NCAM2: variants seen among roughly 807,000 people sequenced by gnomAD.
NCAM2 encodes neural cell adhesion molecule 2, also known as N-CAM-2.
Under a neutral mutation model 98.1 loss-of-function variants are expected in NCAM2, and 30 were observed. That is an observed-to-expected ratio of 0.31 (90% CI 0.23 to 0.41). The LOEUF is 0.41. NCAM2 is among the 10% of genes least tolerant of loss of function. The pLI is 1.00. For synonymous variants in NCAM2, 368 were observed against 342.4 expected, an observed-to-expected ratio of 1.07 and a Z score of -0.83; for missense variants, 867 against 1,005.8, an observed-to-expected ratio of 0.86 and a Z score of 1.87.
chr21:21,001,416 G>C (rs2064017707), intron 1 of NCAM2, among the ~76,000 whole-genome samples: 1 of 152,106 alleles, frequency 6.6e-6, no homozygotes, highest in Admixed American at 6.5e-5. Context: ...GTCAATGAAA[G>C]AAAATGCTGT....
At chr21:21,256,783 C>G (rs1449862342) in intron 1 of NCAM2, among the ~76,000 whole-genome samples, 1 of 152,150 alleles carries the variant, frequency 6.6e-6, no homozygotes, top group Non-Finnish European at 1.5e-5. Context: ...CGAGTCATTT[C>G]TGTGTGTTGG....
chr21:21,267,678 C>A (rs1262671106), intron 1 of NCAM2, among the ~76,000 whole-genome samples: 1 of 152,088 alleles, frequency 6.6e-6, no homozygotes, highest in Non-Finnish European at 1.5e-5. Context: ...AAATTACATA[C>A]ATTTGTCTTT....
At chr21:21,259,360 A>C (rs2071803723) in intron 1 of NCAM2, among the ~76,000 whole-genome samples, 1 of 151,526 alleles carries the variant, frequency 6.6e-6, no homozygotes, top group Non-Finnish European at 1.5e-5. Context: ...AACCGTATGA[A>C]CTGAAAGTCG....
At chr21:21,160,820 C>T (rs114366869) in intron 1 of NCAM2, among the ~76,000 whole-genome samples, 2,289 of 151,984 alleles carry the variant, frequency 0.015, 67 homozygotes, top group African/African-American at 0.053. Context: ...AACAAGGACC[C>T]AATATCATAA....
At chr21:21,286,900 A>G (rs368542616) in intron 4 of NCAM2, among the ~76,000 whole-genome samples, 4 of 152,076 alleles carry the variant, frequency 2.6e-5, no homozygotes, top group East Asian at 1.9e-4. Context: ...ACATGATTCT[A>G]TGGTATCACT....
chr21:21,014,570 A>G (rs539853908), intron 1 of NCAM2, among the ~76,000 whole-genome samples: 17 of 152,346 alleles, frequency 1.1e-4, no homozygotes, highest in Admixed American at 9.8e-4. Context: ...CAGAAAAGAA[A>G]AAAGTTCCCT....
At chr21:21,265,149 T>TAC (rs2072167655) in intron 1 of NCAM2, among the ~76,000 whole-genome samples, 1 of 119,094 alleles carries the variant, frequency 8.4e-6, no homozygotes, top group East Asian at 2.7e-4. Flanking sequence ...ATAATATATA[T>TAC]ACATATATAC....
At chr21:21,441,911 A>G (rs945581119) in intron 12 of NCAM2, among the ~76,000 whole-genome samples, 3 of 152,148 alleles carry the variant, frequency 2.0e-5, no homozygotes, top group African/African-American at 7.2e-5. Flanking sequence ...GGGGTACTCT[A>G]TGTAATGAAC....
chr21:21,330,719 G>A (rs550248496), intron 6 of NCAM2, among the ~76,000 whole-genome samples: 1 of 151,942 alleles, frequency 6.6e-6, no homozygotes, highest in East Asian at 1.9e-4. Flanking sequence ...ATTTTTTGAA[G>A]CTCTAGTATT....
chr21:21,324,194 AAAAAT>A (rs374680325), intron 5 of NCAM2, among the ~76,000 whole-genome samples, 184 bp from the exon 6 acceptor site: 18 of 152,300 alleles, frequency 1.2e-4, no homozygotes, highest in South Asian at 4.1e-4. Context: ...AAAGTATAAT[AAAAAT>A]AAAATAAAAA....
At chr21:21,017,524 T>C (rs1054320037) in intron 1 of NCAM2, among the ~76,000 whole-genome samples, 4 of 149,970 alleles carry the variant, frequency 2.7e-5, no homozygotes, top group Non-Finnish European at 5.9e-5. Context: ...AATGGACCGA[T>C]GAGGCAAGTT....
chr21:21,026,365 A>G (rs1349887589), intron 1 of NCAM2, among the ~76,000 whole-genome samples: 1 of 152,250 alleles, frequency 6.6e-6, no homozygotes, highest in Non-Finnish European at 1.5e-5. Flanking sequence ...TTACTTAAAA[A>G]TTTCAAAGTT....
At chr21:21,249,504 T>G (rs1724878585) in intron 1 of NCAM2, among the ~76,000 whole-genome samples, 1 of 152,162 alleles carries the variant, frequency 6.6e-6, no homozygotes, top group Non-Finnish European at 1.5e-5. Context: ...TATAAACATC[T>G]TTTCACATTT....
At chr21:21,051,136 G>C (rs140069527) in intron 1 of NCAM2, among the ~76,000 whole-genome samples, 18 of 152,284 alleles carry the variant, frequency 1.2e-4, no homozygotes, top group Non-Finnish European at 2.1e-4. Flanking sequence ...TTTAGCTCTA[G>C]ATGGTCCCAT....
chr21:21,132,394 C>CT lies in NCAM2; in HGVS notation c.55+133786dup, dbSNP rs10679055. Among the ~76,000 whole-genome samples, 794 of 149,122 alleles carry CT rather than the reference C, an allele frequency of 5.3e-3. 4 individuals carry two copies. The highest frequency in any genetic ancestry group is 9.6e-3 in the African/African-American group (393 of 40,804). ...CTGTACTTAATCACATCTGTAAAGT[C>CT]TTTTTTTTTTCATATAATTCAACAT... is the stretch of plus-strand genomic sequence containing the variant. On this transcript the variant is annotated intron_variant, in intron 1 of 17. Transcript: ENST00000400546.
At chr21:21,533,648 GTTT>G (rs71734481) in intron 16 of NCAM2, among the ~76,000 whole-genome samples, 5 of 137,884 alleles carry the variant, frequency 3.6e-5, no homozygotes, top group African/African-American at 7.9e-5. Context: ...CCCTTCTTTA[GTTT>G]TTTTTTTTTT....
chr21:21,355,925 G>A (rs1024165717), intron 8 of NCAM2, among the ~76,000 whole-genome samples: 3 of 152,200 alleles, frequency 2.0e-5, no homozygotes, highest in Admixed American at 6.5e-5. Flanking sequence ...TTAATTCAAA[G>A]TAGGGATAGT....
intron 1 of NCAM2, among the ~76,000 whole-genome samples, chr21:21,029,064 A>G (rs2064614818): frequency 6.6e-6 from 1 of 152,212 alleles, no homozygotes; most frequent in Non-Finnish European, 1.5e-5. Flanking sequence ...GAAATGAGTA[A>G]CATGTTTTAG....
chr21:21,479,792 G>A (rs555669995), intron 15 of NCAM2, among the ~76,000 whole-genome samples: 1 of 151,716 alleles, frequency 6.6e-6, no homozygotes, highest in Non-Finnish European at 1.5e-5. Flanking sequence ...GGCAAGACCT[G>A]GAAAGAAAAT....
Sources: allele counts gnomAD v4.1 joint callset (sites outside exome capture counted in the v4.1 genomes callset), GRCh38; gene constraint gnomAD v4.1.1; transcripts MANE v1.5; gene names NCBI Gene and HGNC (gene_info 2026-07-23, HGNC 2026-07-21).